Variants in CFAP20 observed in about 807,000 individuals in gnomAD.
The protein encoded by CFAP20 is cilia and flagella associated protein 20, also known as cilia- and flagella-associated protein 20.
In CFAP20, 14 loss-of-function variants were observed where a neutral mutation model predicts 25.5. That is an observed-to-expected ratio of 0.55 (90% confidence interval 0.36 to 0.86). The LOEUF is 0.86. CFAP20 is among the 40% of genes least tolerant of loss of function. The pLI is 0.01. For missense variants in CFAP20, 181 were observed against 248.0 expected (o/e 0.73, Z 1.81); for synonymous variants, 75 against 91.1 (o/e 0.82, Z 1.01).
At position 58,113,712 on chromosome 16, in the gene CFAP20, G is replaced by T; in HGVS notation, c.*313C>A. The T allele has an allele frequency of 3.0e-6, 1 of 329,244 alleles. No homozygotes were observed. Among genetic ancestry groups the T allele is most frequent in the South Asian group, 5.7e-5 (1 of 17,402 alleles). The allele number at this position is 329,244 out of a possible 1,614,324, so 20.4% of individuals were successfully genotyped here. On this transcript the variant is annotated 3_prime_UTR_variant, in exon 6 of 6. Coordinates refer to ENST00000262498, the MANE Select transcript of CFAP20 (RefSeq NM_013242.3). ...AACCGCAGGAAGAAATATTGGTCTGGAATTCCTTATGGGCCATCTTTAATT... is the reference window on the plus strand; with the variant it reads ...AACCGCAGGAAGAAATATTGGTCTGTAATTCCTTATGGGCCATCTTTAATT...
intron 1 of CFAP20, among the ~76,000 whole-genome samples, chr16:58,123,464 C>T (rs1389848436): frequency 2.0e-5 from 3 of 147,422 alleles, no homozygotes; most frequent in East Asian, 2.0e-4. Flanking sequence ...GGCGTGGTGG[C>T]GGGCGCCTGT....
chr16:58,114,755 G>T, intron 5 of CFAP20, 55 bp downstream of exon 5: 1 of 1,432,934 alleles, frequency 7.0e-7, no homozygotes, highest in South Asian at 1.2e-5. Flanking sequence ...CACCTTCCAG[G>T]AACACAGCTC....
intron 4 of CFAP20, 104 bp from the exon 5 acceptor site, chr16:58,115,024 G>A (rs1025104082): frequency 2.5e-5 from 28 of 1,106,632 alleles, no homozygotes; most frequent in Non-Finnish European, 2.5e-5. Context: ...CGTCATCTCC[G>A]GCATCTCCTT....
At chr16:58,127,712 A>G (rs186104226) in intron 1 of CFAP20, among the ~76,000 whole-genome samples, 2 of 152,366 alleles carry the variant, frequency 1.3e-5, no homozygotes, top group African/African-American at 4.8e-5. Flanking sequence ...AAGAGAAGAG[A>G]TGGGCAGATT....
intron 1 of CFAP20, among the ~76,000 whole-genome samples, chr16:58,118,213 C>T (rs1387386511): frequency 6.6e-6 from 1 of 152,184 alleles, no homozygotes; most frequent in Admixed American, 6.5e-5. Context: ...GGCACAGTGG[C>T]TCATGCCTGT....
intron 1 of CFAP20, among the ~76,000 whole-genome samples, chr16:58,127,071 T>C (rs1279009279): frequency 6.6e-6 from 1 of 152,240 alleles, no homozygotes; most frequent in African/African-American, 2.4e-5. Context: ...CAAGTAACCA[T>C]GCCAATCGAT....
intron 1 of CFAP20, among the ~76,000 whole-genome samples, chr16:58,124,931 A>T (rs1481771904): frequency 6.6e-6 from 1 of 152,212 alleles, no homozygotes; most frequent in Non-Finnish European, 1.5e-5. Context: ...TAAATTTATT[A>T]AAAATATTTT....
Position 58,128,727 on chromosome 16 carries a change from A to G in CFAP20, c.84+305T>C, listed in dbSNP as rs550853436. On this transcript the variant is annotated intron_variant, in intron 1 of 5. Transcript: ENST00000262498. ...ATTGGTGGGGAAACAGTGGCTCAAA[A>G]GAATGGACTGACCGACCAAGTCAAG... Among the ~76,000 whole-genome samples, 3 of 152,282 alleles carry G rather than the reference A, an allele frequency of 2.0e-5. No homozygotes were observed. The East Asian group carries it at 5.8e-4, about 29-fold the overall frequency.
chr16:58,117,024 G>C (rs1012911854), intron 1 of CFAP20, 73 bp from the exon 2 acceptor site: 3 of 1,408,242 alleles, frequency 2.1e-6, no homozygotes, highest in Non-Finnish European at 3.0e-6. Context: ...AGAAAACCAC[G>C]GTAGCCCAAG....
intron 1 of CFAP20, among the ~76,000 whole-genome samples, chr16:58,128,093 C>T (rs1960644760): frequency 6.6e-6 from 1 of 152,188 alleles, no homozygotes; most frequent in African/African-American, 2.4e-5. Context: ...GGAGTGCCTC[C>T]CGTAACTTAT....
intron 3 of CFAP20, 176 bp downstream of exon 3, chr16:58,115,865 A>G (rs532039240): frequency 1.9e-6 from 1 of 528,468 alleles, no homozygotes; most frequent in East Asian, 3.1e-5. Context: ...ACCTGATTAA[A>G]TTTTATTACT....
chr16:58,114,998 T>C (rs1323941458), intron 4 of CFAP20, 78 bp from the exon 5 acceptor site: 2 of 1,320,842 alleles, frequency 1.5e-6, no homozygotes, highest in Non-Finnish European at 2.2e-6. Flanking sequence ...GAGGCCCTCT[T>C]CCAGGACTGG....
At chr16:58,117,438 C>T (rs1454654892) in intron 1 of CFAP20, among the ~76,000 whole-genome samples, 2 of 152,042 alleles carry the variant, frequency 1.3e-5, no homozygotes, top group African/African-American at 2.4e-5. Flanking sequence ...TTTCTTTTTT[C>T]TTTTTTCTGA....
In CFAP20 at chr16:58,129,078, A is replaced by G. The variant is rs761104802; in HGVS notation, c.38T>C (p.Ile13Thr). The change falls in exon 1 of 6, where the codon ATC (isoleucine) becomes ACC (threonine). Residue 13 changes from isoleucine to threonine, a missense_variant. By Grantham distance (89) the Ile-to-Thr change is moderately conservative (BLOSUM62 -1). Coordinates refer to ENST00000262498, the MANE Select transcript of CFAP20 (RefSeq NM_013242.3). ...KNTFQSGFLS[I>T]LYSIGSKPLQ... Reference sequence around the variant, plus strand: ...AGGCTTGCTGCCGATGCTGTAGAGGATGGAGAGGAAGCCGCTCTGGAACGT... The same window carrying G: ...AGGCTTGCTGCCGATGCTGTAGAGGGTGGAGAGGAAGCCGCTCTGGAACGT... 6.2e-7 allele frequency: 1 copy of G among 1,610,840 alleles called. No individual in the cohort carries two copies.
Position 58,114,011 on chromosome 16 carries a change from A to G in CFAP20, c.*14T>C. The G allele has an allele frequency of 6.2e-7, 1 of 1,613,246 alleles. No homozygotes were observed. The highest frequency in any genetic ancestry group is 8.5e-7 in the Non-Finnish European group (1 of 1,179,152). On this transcript the variant is annotated 3_prime_UTR_variant, in exon 6 of 6. Transcript: ENST00000262498. ...GTCACATCCAGGGGTCTATCCCTCG[A>G]GTCACAATTCCAGTTATTGCTGAAG...
intron 1 of CFAP20, 86 bp from the exon 2 acceptor site, chr16:58,117,037 G>A (rs1960466859): frequency 8.1e-6 from 10 of 1,238,638 alleles, no homozygotes; most frequent in Non-Finnish European, 1.2e-5. Flanking sequence ...AGCCCAAGAG[G>A]CGTACAAAGA....
intron 1 of CFAP20, among the ~76,000 whole-genome samples, chr16:58,118,736 A>G (rs1010099038): frequency 7.3e-5 from 11 of 150,726 alleles, no homozygotes; most frequent in African/African-American, 2.4e-4. Context: ...GTGGGAGGAT[A>G]ACCTGAGCCT....
intron 1 of CFAP20, among the ~76,000 whole-genome samples, chr16:58,124,121 G>C (rs543287576): frequency 1.3e-5 from 2 of 152,192 alleles, no homozygotes; most frequent in African/African-American, 4.8e-5. Flanking sequence ...CGGGTGAAGT[G>C]AGTCCCGCCT....
intron 1 of CFAP20, 83 bp from the exon 2 acceptor site, chr16:58,117,034 G>T: frequency 7.8e-7 from 1 of 1,277,232 alleles, no homozygotes; most frequent in East Asian, 2.4e-5. Flanking sequence ...GGTAGCCCAA[G>T]AGGCGTACAA....
Sources: gnomAD v4.1 joint callset for allele counts (sites outside exome capture counted in the v4.1 genomes callset) on GRCh38, gnomAD v4.1.1 for gene constraint, MANE v1.5 for transcripts, NCBI Gene and HGNC (gene_info 2026-07-23, HGNC 2026-07-21) for gene names.